The following PUF60 variants were observed in gnomAD, a reference collection of about 807,000 sequenced individuals.
The protein encoded by PUF60 is poly(U) binding splicing factor 60.
Under a neutral mutation model 61.8 loss-of-function variants are expected in PUF60, and 10 were observed. The ratio of observed to expected loss-of-function variants is 0.16; its 90% CI spans 0.10 to 0.27. The LOEUF is 0.27. PUF60 is among the 10% of genes least tolerant of loss of function. The probability of loss-of-function intolerance (pLI) is 1.00; values close to 1 mark genes in which losing one functional copy is unlikely to be tolerated. For missense variants in PUF60, 371 were observed against 754.0 expected, an observed-to-expected ratio of 0.49 and a Z score of 5.95; for synonymous variants, 353 against 300.9, an observed-to-expected ratio of 1.17 and a Z score of -1.79.
chr8:143,819,122 C>G (rs1286183551), intron 5 of PUF60: 1 of 152,432 alleles, frequency 6.6e-6, no homozygotes, highest in Non-Finnish European at 1.5e-5. Flanking sequence ...GCTGTGCCTT[C>G]CCAGTGCCCT....
At position 143,816,830 on chromosome 8, in the gene PUF60, G is replaced by A. The variant is rs750803919; in HGVS notation, c.1381-11C>T. The A allele has an allele frequency of 2.5e-6, 4 of 1,609,924 alleles. No individual in the cohort carries two copies. Among genetic ancestry groups the A allele is most frequent in the Non-Finnish European group, 3.4e-6 (4 of 1,177,824 alleles). On this transcript the variant is annotated splice_polypyrimidine_tract_variant and intron_variant, in intron 11 of 11. Coordinates refer to ENST00000526683, the MANE Select transcript of PUF60 (RefSeq NM_078480.3). Reference sequence around the variant, plus strand: ...AACCATCACTGTAGACTGTGGGGCAGGGCCGAGGGGAAGACAGCTGAGCAC... The same window carrying A: ...AACCATCACTGTAGACTGTGGGGCAAGGCCGAGGGGAAGACAGCTGAGCAC...
In PUF60 at chr8:143,816,457, T is replaced by C. The variant is rs1449832846; in HGVS notation, c.*63A>G. ...GCGCGCCTGGCCCCGGGGACACCAC[T>C]GTATCACTATAAAACCCAGAGGAAA... is the stretch of plus-strand genomic sequence containing the variant. On this transcript the variant is annotated 3_prime_UTR_variant, in exon 12 of 12. Coordinates refer to ENST00000526683, the MANE Select transcript of PUF60 (RefSeq NM_078480.3). The C allele has an allele frequency of 4.5e-6, 7 of 1,544,788 alleles. No homozygotes were observed. The highest frequency in any genetic ancestry group is 1.9e-5 in the Admixed American group (1 of 53,868).
chr8:143,821,976 G>A (rs1188232562), intron 2 of PUF60, 63 bp from the exon 3 acceptor site: 2 of 1,277,896 alleles, frequency 1.6e-6, no homozygotes, highest in Non-Finnish European at 2.2e-6. Context: ...GTGGCCCCAG[G>A]AGGGCCACCC....
intron 2 of PUF60, chr8:143,822,362 C>A: frequency 2.6e-6 from 1 of 384,788 alleles, no homozygotes. Context: ...GGCTTCCTCA[C>A]AGTCCCTGCC....
intron 1 of PUF60, among the ~76,000 whole-genome samples, chr8:143,826,096 G>A (rs1238914851): frequency 6.6e-6 from 1 of 152,204 alleles, no homozygotes; most frequent in Non-Finnish European, 1.5e-5. Context: ...ATCGCAGCTA[G>A]TCACGTACTG....
Position 143,817,881 on chromosome 8 carries a change from G to C in PUF60, c.798C>G (p.His266Gln). Residue 266 changes from histidine to glutamine, a missense_variant, in exon 8 of 12, where the codon CAC becomes CAG. By Grantham distance (24) the His-to-Gln change is conservative. This residue lies in a region of PUF60 where 24 missense variants were observed against 35.0 expected (regional missense o/e 0.68). Coordinates refer to ENST00000526683, the MANE Select transcript of PUF60 (RefSeq NM_078480.3). This position sits in a 1 kb window ranked among gnomAD's most constrained non-coding sequence, Gnocchi z 7.4. ...TLARDPTTGK[H>Q]KGYGFIEYEK... ...GCTCACCAATGAAGCCGTAGCCCTT[G>C]TGCTTGCCAGTTGTGGGGTCCCGGG... 1 of 1,612,534 alleles carries C rather than the reference G, an allele frequency of 6.2e-7. No individual in the cohort carries two copies. The highest frequency in any genetic ancestry group is 1.7e-5 in the Admixed American group (1 of 60,006).
rs748113436 is a variant in PUF60, at chr8:143,821,875, T to C, written c.150A>G (p.Thr50=). The C allele has an allele frequency of 6.8e-6, 11 of 1,609,634 alleles. No individual in the cohort carries two copies. The South Asian group carries it at 1.2e-4, about 18-fold the overall frequency. The change falls in exon 3 of 12, where the codon ACA becomes ACG. Residue 50 remains threonine, a synonymous_variant. Coordinates refer to ENST00000526683, the MANE Select transcript of PUF60 (RefSeq NM_078480.3). ...GGGGAGGCAGCCCCAGCTTGGCGGC[T>C]GTGCTCTGCCCGTTCTCCATCTTGA... ...DSIKMENGQS[T]AAKLGLPPLT...
Position 143,817,001 on chromosome 8 carries a change from C to G in PUF60, c.1289G>C (p.Arg430Pro), listed in dbSNP as rs776847578. ...EEEELFPESE[R>P]PEMLSEQEHM... ...CTCCTGCTCGCTCAGCATCTCTGGC[C>G]GCTCTGACTCGGGAAACAGCTCCTC... Residue 430 changes from arginine to proline, a missense_variant, in exon 11 of 12, where the codon CGG becomes CCG. This residue lies in a region of PUF60 where 68 missense variants were observed against 69.4 expected (regional missense o/e 0.98). Coordinates refer to ENST00000526683, the MANE Select transcript of PUF60 (RefSeq NM_078480.3). This position sits in a 1 kb window ranked among gnomAD's most constrained non-coding sequence, Gnocchi z 7.4. 6 of 1,606,976 alleles carry G rather than the reference C, an allele frequency of 3.7e-6. No homozygotes were observed. In the African/African-American group the frequency reaches 5.3e-5, roughly 14 times the overall value.
intron 1 of PUF60, among the ~76,000 whole-genome samples, chr8:143,826,366 G>A (rs113068575): frequency 1.3e-5 from 2 of 152,200 alleles, no homozygotes; most frequent in Admixed American, 6.5e-5. Context: ...TAGCACTTAA[G>A]ACCAGCCTGG....
At chr8:143,824,486 C>T in intron 1 of PUF60, 87 bp from the exon 2 acceptor site, 1 of 1,407,944 alleles carries the variant, frequency 7.1e-7, no homozygotes, top group Non-Finnish European at 9.8e-7. Context: ...GGCTGAGCTC[C>T]TCACGGATAA....
chr8:143,821,398 C>G lies in PUF60; in HGVS notation c.297+199G>C, dbSNP rs1817004150. 4.4e-5 allele frequency: 27 copies of G among 610,108 alleles called. No homozygotes were observed. In the South Asian group the frequency reaches 5.3e-4, roughly 12 times the overall value. The allele number at this position is 610,108 out of a possible 1,614,324, so 37.8% of individuals were successfully genotyped here. A position where few individuals can be genotyped will look rare whatever the true frequency, so the allele number is the denominator to read the frequency against. ...AAGGGGCTGCGGCGCTTTAGGGGCT[C>G]CAGCGAGCAACAGGTGGGAAAGGCT... On this transcript the variant is annotated intron_variant, in intron 4 of 11. Coordinates refer to ENST00000526683, the MANE Select transcript of PUF60 (RefSeq NM_078480.3).
Position 143,820,796 on chromosome 8 carries a change from G to T in PUF60, c.298-80C>A, listed in dbSNP as rs992665418. 15 of 1,369,290 alleles carry T rather than the reference G, an allele frequency of 1.1e-5. No individual in the cohort carries two copies. The South Asian group carries it at 1.7e-4, about 16-fold the overall frequency. The allele number at this position is 1,369,290 out of a possible 1,614,324, so 84.8% of individuals were successfully genotyped here. A position where few individuals can be genotyped will look rare whatever the true frequency, so the allele number is the denominator to read the frequency against. On this transcript the variant is annotated intron_variant, in intron 4 of 11. Transcript: ENST00000526683. ...CTCGTCAACACCTCACGCAGACAGC[G>T]GCAAGGCCCGGAGTCCCCGCCCTGC...
chr8:143,820,345 C>G lies in PUF60; in HGVS notation c.348+321G>C, dbSNP rs191381345. Reference sequence around the variant, plus strand: ...GACTGACGGGGCTGGAGGCCGTGGGCACACCCCGTGCGTGCAGGTGGCGTG... The same window carrying G: ...GACTGACGGGGCTGGAGGCCGTGGGGACACCCCGTGCGTGCAGGTGGCGTG... On this transcript the variant is annotated intron_variant, in intron 5 of 11. Coordinates refer to ENST00000526683, the MANE Select transcript of PUF60 (RefSeq NM_078480.3). 599 of 425,204 alleles carry G rather than the reference C, an allele frequency of 1.4e-3. 2 individuals are homozygous for G. The highest frequency in any genetic ancestry group is 2.1e-3 in the Non-Finnish European group (482 of 234,598). The allele number at this position is 425,204 out of a possible 1,614,324, so 26.3% of individuals were successfully genotyped here.
chr8:143,817,673 T>G lies in PUF60; in HGVS notation c.927A>C (p.Leu309=). ...GGCCTCCAGGCGTGGCTGGTGTGAG[T>G]AGGGGCATGGGCGGTGTGACAGCCT... ...VGKAVTPPMP[L]LTPATPGGLP... is the part of the protein sequence containing the mutation. The change falls in exon 9 of 12, where the codon CTA becomes CTC. Residue 309 remains leucine, a synonymous_variant. Coordinates refer to ENST00000526683, the MANE Select transcript of PUF60 (RefSeq NM_078480.3). The surrounding 1 kb of genome is among the most constrained non-coding windows in gnomAD (Gnocchi z 7.4). 1.2e-6 allele frequency: 2 copies of G among 1,612,512 alleles called. No homozygotes were observed. The highest frequency in any genetic ancestry group is 2.2e-5 in the South Asian group (2 of 91,070).
chr8:143,819,071 G>C (rs944687514), intron 5 of PUF60: 1 of 153,568 alleles, frequency 6.5e-6, no homozygotes, highest in Non-Finnish European at 1.4e-5. Flanking sequence ...AGAGAACGAG[G>C]AGCAGCTGCT....
In PUF60 at chr8:143,818,379, C is replaced by T; in HGVS notation, c.504G>A (p.Lys168=). 1.2e-6 allele frequency: 2 copies of T among 1,612,656 alleles called. No individual in the cohort carries two copies. The highest frequency in any genetic ancestry group is 1.7e-6 in the Non-Finnish European group (2 of 1,179,738). ...IDMSWDSVTM[K]HKGFAFVEYE... ...GCGGACCAAGCCTGCTGACCTTGTG[C>T]TTCATGGTGACGGAGTCCCAGGACA... Residue 168 remains lysine, a synonymous_variant, in exon 6 of 12, where the codon AAG becomes AAA. Transcript: ENST00000526683. This position sits in a 1 kb window ranked among gnomAD's most constrained non-coding sequence, Gnocchi z 7.9.
chr8:143,829,184 C>T, intron 1 of PUF60, 96 bp downstream of exon 1: 1 of 1,227,184 alleles, frequency 8.1e-7, no homozygotes, highest in South Asian at 4.1e-5. Context: ...CTGGGAAGAC[C>T]GCCGCGTTCT....
Position 143,818,682 on chromosome 8 carries a change from T to G in PUF60, c.349-148A>C. On this transcript the variant is annotated intron_variant, in intron 5 of 11. Coordinates refer to ENST00000526683, the MANE Select transcript of PUF60 (RefSeq NM_078480.3). This position sits in a 1 kb window ranked among gnomAD's most constrained non-coding sequence, Gnocchi z 7.9. ...GGAGGTGCGGGCTCCATCCCTGCAG[T>G]CATAGTGTGGGGGTCGCAGGACCCC... The G allele has an allele frequency of 1.1e-6, 1 of 872,382 alleles. No individual in the cohort carries two copies. The highest frequency in any genetic ancestry group is 1.7e-6 in the Non-Finnish European group (1 of 588,820). The allele number at this position is 872,382 out of a possible 1,614,324, so 54.0% of individuals were successfully genotyped here.
At chr8:143,829,044 G>GT in intron 1 of PUF60, 1 of 1,009,672 alleles carries the variant, frequency 9.9e-7, no homozygotes, top group Non-Finnish European at 1.2e-6. Flanking sequence ...CCGCGCCCAG[G>GT]CCCCCGCCCC....
Sources: allele counts gnomAD v4.1 joint callset (sites outside exome capture counted in the v4.1 genomes callset), GRCh38; gene constraint gnomAD v4.1.1; regional missense constraint gnomAD v4.1.1; non-coding constraint Gnocchi (gnomAD v3.1); transcripts MANE v1.5; gene names NCBI Gene and HGNC (gene_info 2026-07-23, HGNC 2026-07-21).